Variants in PLCB4 observed in about 807,000 individuals in gnomAD.
The protein encoded by PLCB4 is 1-phosphatidylinositol 4,5-bisphosphate phosphodiesterase beta-4.
PLCB4 carries 77 observed loss-of-function variants against 178.8 expected under a neutral mutation model. That is an observed-to-expected ratio of 0.43 (90% CI 0.36 to 0.52). PLCB4 has a LOEUF of 0.52. Ranked by LOEUF, PLCB4 falls within the 20% of genes least tolerant of loss-of-function variation. The probability of loss-of-function intolerance (pLI) is 0.00; values close to 1 mark genes in which losing one functional copy is unlikely to be tolerated. For missense variants in PLCB4, 1,024 were observed against 1,453.4 expected (o/e 0.70, Z 4.80); for synonymous variants, 496 against 490.8 (o/e 1.01, Z -0.14).
chr20:9,200,988 C>T (rs1034266315), intron 2 of PLCB4, among the ~76,000 whole-genome samples: 9 of 152,294 alleles, frequency 5.9e-5, no homozygotes, highest in African/African-American at 2.2e-4. Context: ...AAATGATCCT[C>T]AGCAGCAGAA....
At chr20:9,273,972 C>T (rs138424631) in intron 3 of PLCB4, among the ~76,000 whole-genome samples, 15 of 152,078 alleles carry the variant, frequency 9.9e-5, no homozygotes, top group African/African-American at 3.1e-4. Flanking sequence ...CAGGAAAGGA[C>T]GGATTAATAC....
intron 3 of PLCB4, among the ~76,000 whole-genome samples, chr20:9,279,762 A>G (rs2094478324): frequency 6.6e-6 from 1 of 152,032 alleles, no homozygotes; most frequent in South Asian, 2.1e-4. Context: ...CCACTGGCTA[A>G]CGTTTGAGTA....
chr20:9,128,243 C>T (rs1436691216), intron 2 of PLCB4, among the ~76,000 whole-genome samples: 2 of 152,210 alleles, frequency 1.3e-5, no homozygotes, highest in African/African-American at 4.8e-5. Flanking sequence ...TGTGACACCA[C>T]CTGCTCCCTC....
At chr20:9,292,974 G>A (rs1261086063) in intron 3 of PLCB4, among the ~76,000 whole-genome samples, 3 of 152,148 alleles carry the variant, frequency 2.0e-5, no homozygotes, top group African/African-American at 7.2e-5. Context: ...AGCAGCTCAG[G>A]AGGCTGAGGC....
In PLCB4 at chr20:9,353,255, G is replaced by A. The variant is rs117744955; in HGVS notation, c.370-9641G>A. ...TTATCAACTGGACTTGTGTAGGATG[G>A]CAGCTTAGCTCCTTTATTATGCAGG... is the stretch of plus-strand genomic sequence containing the variant. On this transcript the variant is annotated intron_variant, in intron 7 of 39. Coordinates refer to ENST00000378473, the MANE Select transcript of PLCB4 (RefSeq NM_001377142.1). Among the ~76,000 whole-genome samples, 102 of 152,306 alleles carry A rather than the reference G, an allele frequency of 6.7e-4. No individual in the cohort carries two copies. The East Asian group carries it at 0.02, about 29-fold the overall frequency.
chr20:9,106,478 T>C (rs1386377977), intron 2 of PLCB4, among the ~76,000 whole-genome samples: 1 of 151,310 alleles, frequency 6.6e-6, no homozygotes, highest in Non-Finnish European at 1.5e-5. Context: ...ACAGTAAAAA[T>C]AAGTAGCCAG....
intron 2 of PLCB4, among the ~76,000 whole-genome samples, chr20:9,153,337 A>G (rs2092723210): frequency 6.6e-6 from 1 of 152,208 alleles, no homozygotes; most frequent in African/African-American, 2.4e-5. Context: ...TGTGTCTCCC[A>G]GAATTCCCAT....
chr20:9,239,466 A>C (rs2094031803), intron 3 of PLCB4, among the ~76,000 whole-genome samples: 1 of 152,188 alleles, frequency 6.6e-6, no homozygotes, highest in Admixed American at 6.5e-5. Context: ...CAAGAGAAAA[A>C]CGTAACAAAT....
intron 2 of PLCB4, among the ~76,000 whole-genome samples, chr20:9,154,370 A>G (rs528879506): frequency 7.9e-5 from 12 of 152,292 alleles, no homozygotes; most frequent in African/African-American, 2.4e-4. Context: ...GATGGAGAGG[A>G]GAATGACTAT....
At chr20:9,183,523 T>A (rs2093281664) in intron 2 of PLCB4, among the ~76,000 whole-genome samples, 1 of 152,088 alleles carries the variant, frequency 6.6e-6, no homozygotes, top group Non-Finnish European at 1.5e-5. Context: ...AGTTTTGGAG[T>A]AGTATCAAAA....
Position 9,123,102 on chromosome 20 carries a change from CTAAGG to C in PLCB4, c.-79+26763_-79+26767del, listed in dbSNP as rs555715753. On this transcript the variant is annotated intron_variant, in intron 2 of 39. Transcript: ENST00000378473. Reference sequence around the variant, plus strand: ...TTAAAAAGTAAAAAACATTTCTTTACTAAGGTATTTATTAAATATGCAATGAATTA... The same window carrying C: ...TTAAAAAGTAAAAAACATTTCTTTACTATTTATTAAATATGCAATGAATTA... Among the ~76,000 whole-genome samples the C allele has an allele frequency of 9.9e-5, 15 of 152,048 alleles. No individual in the cohort carries two copies. In the South Asian group the frequency reaches 3.1e-3, roughly 32 times the overall value.
chr20:9,101,455 C>T lies in PLCB4; in HGVS notation c.-79+5113C>T, dbSNP rs1421721401. Among the ~76,000 whole-genome samples, 4 of 152,138 alleles carry T rather than the reference C, an allele frequency of 2.6e-5. No individual in the cohort carries two copies. The East Asian group carries it at 5.8e-4, about 22-fold the overall frequency. The stretch of plus-strand genomic sequence containing the variant: ...AATCTTTAATAGTCATATTTGCCGT[C>T]TTTCCCAGTAACAAACTCTATACAA... On this transcript the variant is annotated intron_variant, in intron 2 of 39. Transcript: ENST00000378473.
chr20:9,306,061 G>T (rs1490516883), intron 3 of PLCB4, among the ~76,000 whole-genome samples: 2 of 152,022 alleles, frequency 1.3e-5, no homozygotes, highest in African/African-American at 4.8e-5. Flanking sequence ...TTCTTCTACT[G>T]TTACTTTATT....
At position 9,311,591 on chromosome 20, in the gene PLCB4, A is replaced by G. The variant is rs141615482; in HGVS notation, c.84+3693A>G. 2.7e-3 allele frequency among the ~76,000 whole-genome samples: 411 copies of G among 151,970 alleles called. 2 individuals are homozygous for G. Among genetic ancestry groups the G allele is most frequent in the African/African-American group, 9.1e-3 (379 of 41,450 alleles). On this transcript the variant is annotated intron_variant, in intron 4 of 39. Coordinates refer to ENST00000378473, the MANE Select transcript of PLCB4 (RefSeq NM_001377142.1). Reference sequence around the variant, plus strand: ...AGAGTCCTTTTTCACTTTTCCAGATACTTTTTTCTTAACTGTCAAACATTT... The same window carrying G: ...AGAGTCCTTTTTCACTTTTCCAGATGCTTTTTTCTTAACTGTCAAACATTT...
chr20:9,277,333 C>T (rs1374937875), intron 3 of PLCB4, among the ~76,000 whole-genome samples: 6 of 152,166 alleles, frequency 3.9e-5, no homozygotes, highest in South Asian at 2.1e-4. Context: ...AGAGGAAAAG[C>T]GAACTTTGCT....
chr20:9,202,694 G>A (rs995184528), intron 2 of PLCB4, among the ~76,000 whole-genome samples: 3 of 152,158 alleles, frequency 2.0e-5, no homozygotes, highest in Admixed American at 6.5e-5. Context: ...GCTGACAAAG[G>A]CTGGGATCTT....
intron 1 of PLCB4, among the ~76,000 whole-genome samples, chr20:9,094,519 T>C (rs1333004681): frequency 6.6e-6 from 1 of 152,132 alleles, no homozygotes; most frequent in Non-Finnish European, 1.5e-5. Context: ...CAAATGAACA[T>C]TTAAAAAACT....
intron 2 of PLCB4, among the ~76,000 whole-genome samples, chr20:9,124,239 C>A (rs2092051310): frequency 6.6e-6 from 1 of 152,126 alleles, no homozygotes. Flanking sequence ...GGTGAGACAG[C>A]TCACACCTGT....
chr20:9,098,054 C>A (rs1019641254), intron 2 of PLCB4, among the ~76,000 whole-genome samples: 4 of 152,146 alleles, frequency 2.6e-5, no homozygotes, highest in Non-Finnish European at 4.4e-5. Context: ...AATTGGAGTT[C>A]AAAAACCTGC....
Sources: allele counts gnomAD v4.1 joint callset (sites outside exome capture counted in the v4.1 genomes callset), GRCh38; gene constraint gnomAD v4.1.1; transcripts MANE v1.5; gene names NCBI Gene and HGNC (gene_info 2026-07-23, HGNC 2026-07-21).